RSF1: variants seen among roughly 807,000 people sequenced by gnomAD.
RSF1 encodes the protein HBV pX-associated protein 8.
A neutral mutation model predicts 145.2 loss-of-function variants in RSF1; 13 were observed. The ratio of observed to expected loss-of-function variants is 0.09; its 90% CI spans 0.06 to 0.14. The LOEUF is 0.14. RSF1 is among the 10% of genes least tolerant of loss of function. The probability of loss-of-function intolerance (pLI) is 1.00; values close to 1 mark genes in which losing one functional copy is unlikely to be tolerated. For missense variants in RSF1, 1,517 were observed against 1,718.2 expected (o/e 0.88, Z 2.07); for synonymous variants, 577 against 592.6 (o/e 0.97, Z 0.38).
intron 1 of RSF1, among the ~76,000 whole-genome samples, chr11:77,766,877 T>A (rs1375494701): frequency 6.6e-6 from 1 of 152,216 alleles, no homozygotes; most frequent in East Asian, 1.9e-4. Flanking sequence ...CGAAGCTAGA[T>A]ATAAATTCAG....
At chr11:77,743,596 ATTAG>A (rs1256452532) in intron 3 of RSF1, among the ~76,000 whole-genome samples, 2 of 152,190 alleles carry the variant, frequency 1.3e-5, no homozygotes, top group Non-Finnish European at 2.9e-5. Context: ...GAATTCATTT[ATTAG>A]TTCTAATAGT....
intron 1 of RSF1, among the ~76,000 whole-genome samples, chr11:77,806,254 G>A (rs1006449904): frequency 4.6e-5 from 7 of 151,720 alleles, no homozygotes; most frequent in African/African-American, 9.7e-5. Context: ...TAACAGAAAC[G>A]GAATAATGAC....
rs773186348 is a variant in RSF1, at chr11:77,736,158, C to T, written c.578+4573G>A. ...GTGACAACATCTATCAGTCTTAAGACAATCACTCCCCTGCAATGTAAAAGG... is the reference window on the plus strand; with the variant it reads ...GTGACAACATCTATCAGTCTTAAGATAATCACTCCCCTGCAATGTAAAAGG... On this transcript the variant is annotated intron_variant, in intron 4 of 15. Coordinates refer to ENST00000308488, the MANE Select transcript of RSF1 (RefSeq NM_016578.4). 2.0e-5 allele frequency among the ~76,000 whole-genome samples: 3 copies of T among 152,210 alleles called. No homozygotes were observed. In the South Asian group the frequency reaches 6.2e-4, roughly 31 times the overall value.
At chr11:77,717,457 G>A (rs1183499407) in intron 5 of RSF1, among the ~76,000 whole-genome samples, 2 of 152,150 alleles carry the variant, frequency 1.3e-5, no homozygotes, top group Non-Finnish European at 2.9e-5. Flanking sequence ...CTATTCCTAA[G>A]GCTAGATGTT....
intron 15 of RSF1, among the ~76,000 whole-genome samples, chr11:77,670,252 C>G (rs1179356531): frequency 2.0e-5 from 3 of 152,222 alleles, no homozygotes; most frequent in Non-Finnish European, 4.4e-5. Flanking sequence ...CAACCCTGCA[C>G]TCCCTTCTGT....
Position 77,798,581 on chromosome 11 carries a change from TAAAAAAAAAAAAAAAAAAAA to T in RSF1, c.187+21927_187+21946del, listed in dbSNP as rs543236647. ...GCATGACAGGAACGAGACTCCATCT[TAAAAAAAAAAAAAAAAAAAA>T]AAAAAAAAAAAAAAAAAAAAAGGCA... On this transcript the variant is annotated intron_variant, in intron 1 of 15. Transcript: ENST00000308488. 7.6e-3 allele frequency among the ~76,000 whole-genome samples: 186 copies of T among 24,498 alleles called. 3 individuals carry two copies. The highest frequency in any genetic ancestry group is 0.035 in the South Asian group (17 of 490). 16.1% of individuals were successfully genotyped at this position (24,498 alleles called of 152,430 possible). A position where few individuals can be genotyped will look rare whatever the true frequency, so the allele number is the denominator to read the frequency against.
chr11:77,668,890 C>T (rs1959444646), intron 15 of RSF1, among the ~76,000 whole-genome samples: 2 of 142,202 alleles, frequency 1.4e-5, no homozygotes, highest in South Asian at 4.8e-4. Flanking sequence ...AGTCTCACAA[C>T]TTGGCATGCC....
In RSF1 at chr11:77,780,428, T is replaced by C. The variant is rs140096947; in HGVS notation, c.188-15739A>G. On this transcript the variant is annotated intron_variant, in intron 1 of 15. Transcript: ENST00000308488. ...CCATCAACTTACAGGTGGACAAGCA[T>C]AAACTGGCTTTTATGAAAACTGAAG... Among the ~76,000 whole-genome samples the C allele has an allele frequency of 6.3e-3, 954 of 152,338 alleles. 4 individuals carry two copies. Among genetic ancestry groups the C allele is most frequent in the South Asian group, 0.014 (68 of 4,828 alleles).
intron 5 of RSF1, among the ~76,000 whole-genome samples, chr11:77,704,130 C>T (rs907556104): frequency 7.9e-5 from 12 of 152,106 alleles, no homozygotes; most frequent in Non-Finnish European, 1.6e-4. Flanking sequence ...TCTGTCTCTA[C>T]AAAAAATACA....
At chr11:77,761,647 T>A (rs1047249237) in intron 2 of RSF1, among the ~76,000 whole-genome samples, 6 of 152,118 alleles carry the variant, frequency 3.9e-5, no homozygotes, top group African/African-American at 1.4e-4. Context: ...TGCTCATTAA[T>A]CAATCATTAA....
At chr11:77,685,542 C>T (rs1321669941) in intron 9 of RSF1, among the ~76,000 whole-genome samples, 1 of 152,176 alleles carries the variant, frequency 6.6e-6, no homozygotes, top group African/African-American at 2.4e-5. Context: ...GCGATCCACC[C>T]ACCTTGACCT....
rs965846830 is a variant in RSF1 at position 77,717,413 on chromosome 11, A to C, written c.733+8132T>G. On this transcript the variant is annotated intron_variant, in intron 5 of 15. Transcript: ENST00000308488. The stretch of plus-strand genomic sequence containing the variant: ...CTCCAGTTGTCACCTGGGAGAAAAC[A>C]GCTTCTGGATGGCCATAAGAACTGT... Among the ~76,000 whole-genome samples, 4 of 152,280 alleles carry C rather than the reference A, an allele frequency of 2.6e-5. No homozygotes were observed. The East Asian group carries it at 7.7e-4, about 29-fold the overall frequency.
At chr11:77,783,069 G>A (rs2135958362) in intron 1 of RSF1, among the ~76,000 whole-genome samples, 1 of 152,178 alleles carries the variant, frequency 6.6e-6, no homozygotes, top group South Asian at 2.1e-4. Context: ...ACTTCTTTAA[G>A]TTTTTGTGGT....
At position 77,662,464 on chromosome 11, in the gene RSF1, C is replaced by T. The variant is rs1006465270; in HGVS notation, c.*4453G>A. ...ATATACTAAGCTCATTACATTTTGG[C>T]TTATGACTGCTTGCTTGGCAATTAC... On this transcript the variant is annotated 3_prime_UTR_variant, in exon 16 of 16. Coordinates refer to ENST00000308488, the MANE Select transcript of RSF1 (RefSeq NM_016578.4). 5 of 152,106 alleles carry T rather than the reference C, an allele frequency of 3.3e-5. No individual in the cohort carries two copies. Among genetic ancestry groups the T allele is most frequent in the African/African-American group, 7.2e-5 (3 of 41,428 alleles). 9.4% of individuals were successfully genotyped at this position (152,106 alleles called of 1,614,324 possible). A position where few individuals can be genotyped will look rare whatever the true frequency, so the allele number is the denominator to read the frequency against.
chr11:77,683,842 A>T, intron 10 of RSF1, 23 bp from the exon 11 acceptor site: 2 of 1,540,972 alleles, frequency 1.3e-6, no homozygotes, highest in Non-Finnish European at 1.8e-6. Context: ...GATAATAAGC[A>T]TAGAGGTTAT....
intron 7 of RSF1, among the ~76,000 whole-genome samples, chr11:77,697,998 A>G (rs1960324023): frequency 6.6e-6 from 1 of 152,114 alleles, no homozygotes; most frequent in Non-Finnish European, 1.5e-5. Flanking sequence ...AAAGTTACCT[A>G]TTTATCTTAC....
intron 7 of RSF1, among the ~76,000 whole-genome samples, chr11:77,694,337 G>T (rs1283023463): frequency 6.6e-6 from 1 of 152,042 alleles, no homozygotes. Flanking sequence ...AAACACTCAT[G>T]GTTCTTTTTA....
At chr11:77,757,702 A>G (rs1948129975) in intron 2 of RSF1, among the ~76,000 whole-genome samples, 1 of 152,126 alleles carries the variant, frequency 6.6e-6, no homozygotes, top group Non-Finnish European at 1.5e-5. Flanking sequence ...AAAAAGAAAA[A>G]AGAAAACAGT....
At chr11:77,791,121 A>G (rs150907645) in intron 1 of RSF1, among the ~76,000 whole-genome samples, 31 of 152,334 alleles carry the variant, frequency 2.0e-4, no homozygotes, top group African/African-American at 6.5e-4. Context: ...CCCCTGCAGC[A>G]AACTTCTCCC....
Sources: allele counts gnomAD v4.1 joint callset (sites outside exome capture counted in the v4.1 genomes callset), GRCh38; gene constraint gnomAD v4.1.1; transcripts MANE v1.5; gene names NCBI Gene and HGNC (gene_info 2026-07-23, HGNC 2026-07-21).